The following DNMT3A variants were observed in gnomAD, a reference collection of about 807,000 sequenced individuals.
DNMT3A encodes the protein DNA (cytosine-5)-methyltransferase 3A.
In DNMT3A, 267 loss-of-function variants were observed where a neutral mutation model predicts 117.6. The observed-to-expected ratio is 2.27, with a 90% confidence interval of 2.05 to 2.51. DNMT3A has a LOEUF of 2.51. Ranked by LOEUF, DNMT3A falls within the 30% of genes most tolerant of loss-of-function variation. DNMT3A has a pLI of 0.00. For missense variants in DNMT3A, 1,029 were observed against 1,260.2 expected (o/e 0.82, Z 2.78); for synonymous variants, 432 against 474.8 (o/e 0.91, Z 1.17).
At chr2:25,273,306 T>C (rs371791354) in intron 6 of DNMT3A, among the ~76,000 whole-genome samples, 1 of 151,862 alleles carries the variant, frequency 6.6e-6, no homozygotes, top group East Asian at 1.9e-4. Flanking sequence ...GAGACAGGGG[T>C]TCACCAAGCT....
chr2:25,253,207 C>T (rs560612199), intron 6 of DNMT3A, among the ~76,000 whole-genome samples: 21 of 152,258 alleles, frequency 1.4e-4, no homozygotes, highest in African/African-American at 5.1e-4. Flanking sequence ...ACAAAGGCAC[C>T]TACCCCCAAG....
At position 25,241,629 on chromosome 2, in the gene DNMT3A, ACCGTG is replaced by A; in HGVS notation, c.2010_2014del (p.Thr671GlyfsTer40). 6.2e-7 allele frequency: 1 copy of A among 1,614,102 alleles called. No homozygotes were observed. Among genetic ancestry groups the A allele is most frequent in the Non-Finnish European group, 8.5e-7 (1 of 1,179,966 alleles). On this transcript the variant is annotated frameshift_variant, in exon 17 of 23. Coordinates refer to ENST00000321117, the MANE Select transcript of DNMT3A (RefSeq NM_022552.5). LOFTEE classifies it high-confidence loss of function. ...CTTCCCCTGGTGCCGCACCATGCCC[ACCGTG>A]ATGGAGTCCTCACACACCTCCGAGG...
At chr2:25,322,483 C>G (rs900215975) in intron 1 of DNMT3A, among the ~76,000 whole-genome samples, 8 of 151,750 alleles carry the variant, frequency 5.3e-5, no homozygotes, top group Non-Finnish European at 1.5e-5. Context: ...GTTTAATCCT[C>G]CAAACACATC....
rs1045902230 is a variant in DNMT3A, at chr2:25,230,954, A to C, written c.*3325T>G. The C allele has an allele frequency of 2.0e-5, 3 of 152,320 alleles. No homozygotes were observed. Among genetic ancestry groups the C allele is most frequent in the African/African-American group, 7.2e-5 (3 of 41,440 alleles). 9.4% of individuals were successfully genotyped at this position (152,320 alleles called of 1,614,324 possible). Reference sequence around the variant, plus strand: ...GCAAGCCGGCCCACAGGAATCCCCCAGGCTTGCCATGCCCTTGGCTACCAA... The same window carrying C: ...GCAAGCCGGCCCACAGGAATCCCCCCGGCTTGCCATGCCCTTGGCTACCAA... On this transcript the variant is annotated 3_prime_UTR_variant, in exon 23 of 23. Coordinates refer to ENST00000321117, the MANE Select transcript of DNMT3A (RefSeq NM_022552.5).
In DNMT3A at chr2:25,252,501, G is replaced by C. The variant is rs1001180700; in HGVS notation, c.640-4249C>G. 2.0e-5 allele frequency among the ~76,000 whole-genome samples: 3 copies of C among 152,206 alleles called. No homozygotes were observed. The highest frequency in any genetic ancestry group is 4.4e-5 in the Non-Finnish European group (3 of 67,968). On this transcript the variant is annotated intron_variant, in intron 6 of 22. Transcript: ENST00000321117. This position sits in a 1 kb window ranked among gnomAD's most constrained non-coding sequence, Gnocchi z 5.5. ...TCCGGTCCGAGGGGCGCGGGGCCGG[G>C]GGGCGAGGCCGTTCCCCGCCCGTTC...
rs1378680841 is a variant in DNMT3A at position 25,233,265 on chromosome 2, T to G, written c.*1014A>C. ...GGAGAACCTGGCTCCCAAGTTCTCC[T>G]CCTTCACTTCGTTACAAACCAAGGG... is the stretch of plus-strand genomic sequence containing the variant. On this transcript the variant is annotated 3_prime_UTR_variant, in exon 23 of 23. Coordinates refer to ENST00000321117, the MANE Select transcript of DNMT3A (RefSeq NM_022552.5). 2 of 233,612 alleles carry G rather than the reference T, an allele frequency of 8.6e-6. No individual in the cohort carries two copies. Among genetic ancestry groups the G allele is most frequent in the Admixed American group, 1.1e-4 (2 of 17,760 alleles). 14.5% of individuals were successfully genotyped at this position (233,612 alleles called of 1,614,324 possible). A position where few individuals can be genotyped will look rare whatever the true frequency, so the allele number is the denominator to read the frequency against.
chr2:25,266,091 C>T (rs994458223), intron 6 of DNMT3A, among the ~76,000 whole-genome samples: 3 of 152,196 alleles, frequency 2.0e-5, no homozygotes, highest in African/African-American at 7.2e-5. Flanking sequence ...TGGTGCGCAA[C>T]CAACCCATCT....
chr2:25,306,477 G>A lies in DNMT3A; in HGVS notation c.73-6234C>T, dbSNP rs529064490. Among the ~76,000 whole-genome samples, 76 of 152,338 alleles carry A rather than the reference G, an allele frequency of 5.0e-4. No homozygotes were observed. The highest frequency in any genetic ancestry group is 1.7e-3 in the African/African-American group (69 of 41,582). On this transcript the variant is annotated intron_variant, in intron 2 of 22. Coordinates refer to ENST00000321117, the MANE Select transcript of DNMT3A (RefSeq NM_022552.5). This position sits in a 1 kb window ranked among gnomAD's most constrained non-coding sequence, Gnocchi z 4.1. ...GCCACTCTCCTGGAGGGGAGGGGCC[G>A]TGTCTCATTGGCGCCTCTGAGTCCC...
chr2:25,329,465 C>T (rs1166889012), intron 1 of DNMT3A, among the ~76,000 whole-genome samples: 1 of 152,090 alleles, frequency 6.6e-6, no homozygotes, highest in Non-Finnish European at 1.5e-5. Context: ...GCCATATGTT[C>T]TTAGGAAACC....
intron 6 of DNMT3A, among the ~76,000 whole-genome samples, chr2:25,269,890 G>C (rs746812762): frequency 2.0e-5 from 3 of 152,172 alleles, no homozygotes; most frequent in Non-Finnish European, 4.4e-5. Flanking sequence ...AATCTTGGGG[G>C]AGGGAAAGCC....
chr2:25,268,327 G>C (rs2030552985), intron 6 of DNMT3A, among the ~76,000 whole-genome samples: 1 of 152,216 alleles, frequency 6.6e-6, no homozygotes, highest in Non-Finnish European at 1.5e-5. Flanking sequence ...CTGGGGTGAA[G>C]AGATTAATGA....
chr2:25,260,704 G>GCA (rs769393522), intron 6 of DNMT3A, among the ~76,000 whole-genome samples: 8 of 151,870 alleles, frequency 5.3e-5, no homozygotes, highest in Non-Finnish European at 1.0e-4. Context: ...ACGCACACTT[G>GCA]CACACACACA....
rs561761490 is a variant in DNMT3A at position 25,311,571 on chromosome 2, G to A, written c.72+2342C>T. Among the ~76,000 whole-genome samples the A allele has an allele frequency of 1.7e-4, 26 of 152,340 alleles. No individual in the cohort carries two copies. The highest frequency in any genetic ancestry group is 1.5e-3 in the Admixed American group (23 of 15,308). ...TGACCCCTCCTGCTGGGGTGTGAGT[G>A]TGCACTCTATCAGCACCGGGATCTA... On this transcript the variant is annotated intron_variant, in intron 2 of 22. Coordinates refer to ENST00000321117, the MANE Select transcript of DNMT3A (RefSeq NM_022552.5). The surrounding 1 kb of genome is among the most constrained non-coding windows in gnomAD (Gnocchi z 5.2).
At chr2:25,341,668 T>C (rs1351450918) in intron 1 of DNMT3A, among the ~76,000 whole-genome samples, 158 bp downstream of exon 1, 36 of 143,492 alleles carry the variant, frequency 2.5e-4, no homozygotes, top group African/African-American at 8.8e-4. Flanking sequence ...CGTCCCCGCC[T>C]GCAGTCCCGG....
Position 25,241,561 on chromosome 2 carries a change from C to CAT in DNMT3A, c.2081_2082dup (p.Gln696SerfsTer10). ...GGCTGCGCCCCACAGCATGGACATA[C>CAT]ATGCTTCTGTGTGACGCTGCGGACG... On this transcript the variant is annotated frameshift_variant and splice_region_variant. Coordinates refer to ENST00000321117, the MANE Select transcript of DNMT3A (RefSeq NM_022552.5). LOFTEE classifies it high-confidence loss of function. 1 of 1,612,800 alleles carries CAT rather than the reference C, an allele frequency of 6.2e-7. No individual in the cohort carries two copies.
chr2:25,254,066 C>T lies in DNMT3A; in HGVS notation c.640-5814G>A, dbSNP rs1169613431. Among the ~76,000 whole-genome samples the T allele has an allele frequency of 4.1e-5, 6 of 147,174 alleles. No individual in the cohort carries two copies. Among genetic ancestry groups the T allele is most frequent in the Admixed American group, 6.8e-5 (1 of 14,788 alleles). The stretch of plus-strand genomic sequence containing the variant: ...CAGCCTGGGCAACAGAGCGAGACTC[C>T]GTCTCAAAAAAAAAAAAAAAAAAGA... On this transcript the variant is annotated intron_variant, in intron 6 of 22. Coordinates refer to ENST00000321117, the MANE Select transcript of DNMT3A (RefSeq NM_022552.5). This position sits in a 1 kb window ranked among gnomAD's most constrained non-coding sequence, Gnocchi z 4.7.
chr2:25,276,922 A>C (rs1573407639), intron 4 of DNMT3A, among the ~76,000 whole-genome samples: 1 of 151,922 alleles, frequency 6.6e-6, no homozygotes, highest in Admixed American at 6.5e-5. Context: ...CCGGGAGGCC[A>C]CTCCCTTCCC....
intron 1 of DNMT3A, among the ~76,000 whole-genome samples, chr2:25,315,365 A>T (rs113562746): frequency 1.3e-5 from 2 of 152,272 alleles, no homozygotes; most frequent in African/African-American, 2.4e-5. Context: ...AGCTGGCAGG[A>T]GGAGCTTCTT....
In DNMT3A at chr2:25,335,572, C is replaced by T. The variant is rs147838641; in HGVS notation, c.-178+6254G>A. On this transcript the variant is annotated intron_variant, in intron 1 of 22. Transcript: ENST00000321117. ...TTTTTACCTTTTCAAGGAAGGATCA[C>T]TGGAACCCATGACCCAGCTGATCTA... is the stretch of plus-strand genomic sequence containing the variant. Among the ~76,000 whole-genome samples, 374 of 152,344 alleles carry T rather than the reference C, an allele frequency of 2.5e-3. 1 individual carries two copies. Among genetic ancestry groups the T allele is most frequent in the African/African-American group, 8.6e-3 (358 of 41,570 alleles).
Sources: gnomAD v4.1 joint callset for allele counts (sites outside exome capture counted in the v4.1 genomes callset) on GRCh38, gnomAD v4.1.1 for gene constraint, Gnocchi (gnomAD v3.1) non-coding constraint, MANE v1.5 for transcripts, NCBI Gene and HGNC (gene_info 2026-07-23, HGNC 2026-07-21) for gene names.